Variants in HIBCH observed in about 807,000 individuals in gnomAD.
The protein encoded by HIBCH is 3-hydroxyisobutyryl-CoA hydrolase.
A neutral mutation model predicts 58.2 loss-of-function variants in HIBCH; 50 were observed. That is an observed-to-expected ratio of 0.86 (90% CI 0.68 to 1.09). HIBCH has a LOEUF of 1.09. Among genes scored for constraint, HIBCH ranks in the 50% least tolerant of loss-of-function variants. The pLI is 0.00. For missense variants in HIBCH, 450 were observed against 449.7 expected (o/e 1.00, Z -0.01); for synonymous variants, 151 against 146.9 (o/e 1.03, Z -0.20).
At chr2:190,256,601 A>T (rs1686932661) in intron 7 of HIBCH, among the ~76,000 whole-genome samples, 1 of 152,176 alleles carries the variant, frequency 6.6e-6, no homozygotes. Context: ...AATATGTACA[A>T]TTCAATAAAA....
chr2:190,227,907 G>T (rs370851969), intron 11 of HIBCH, among the ~76,000 whole-genome samples: 2 of 152,312 alleles, frequency 1.3e-5, no homozygotes, highest in African/African-American at 4.8e-5. Flanking sequence ...GGAAACGACA[G>T]GTGCTGAAGA....
At chr2:190,200,376 G>A (rs1690193644), downstream of HIBCH, 7 of 476,278 alleles carry the variant, frequency 1.5e-5, no homozygotes, top group Middle Eastern at 5.9e-4. Flanking sequence ...GCTGAACAGA[G>A]GTCCTGTGAC....
chr2:190,300,958 A>G (rs1404884005), intron 2 of HIBCH, among the ~76,000 whole-genome samples: 1 of 152,210 alleles, frequency 6.6e-6, no homozygotes, highest in Non-Finnish European at 1.5e-5. Flanking sequence ...GATCAGACAC[A>G]TGTCTGTCTG....
rs955960074 is a variant in HIBCH, at chr2:190,306,478, A to G, written c.78+4276T>C. 6.6e-6 allele frequency among the ~76,000 whole-genome samples: 1 copy of G among 152,174 alleles called. No individual in the cohort carries two copies. The highest frequency in any genetic ancestry group is 1.5e-5 in the Non-Finnish European group (1 of 68,026). ...CAGACAGCAGACTTATTTACAGCTT[A>G]CTAAAACCAGCAGGTTTCCCAAATT... On this transcript the variant is annotated intron_variant, in intron 2 of 13. Transcript: ENST00000359678. The surrounding 1 kb of genome is among the most constrained non-coding windows in gnomAD (Gnocchi z 4.6).
At chr2:190,199,954 G>A (rs568954789), downstream of HIBCH, 76 of 1,614,134 alleles carry the variant, frequency 4.7e-5, 1 homozygote, top group South Asian at 6.9e-4. Flanking sequence ...TATGCCAGAA[G>A]AGAGATGTCT....
chr2:190,262,098 T>A (rs539206293), intron 6 of HIBCH, among the ~76,000 whole-genome samples: 3 of 149,178 alleles, frequency 2.0e-5, no homozygotes, highest in East Asian at 3.9e-4. Context: ...TTAAAGGTCA[T>A]CTGACATTTG....
intron 1 of HIBCH, among the ~76,000 whole-genome samples, chr2:190,196,017 G>A (rs994755080): frequency 5.0e-5 from 7 of 138,704 alleles, no homozygotes; most frequent in Non-Finnish European, 7.7e-5. Flanking sequence ...ATGTATGTGT[G>A]GTTTGGATTT....
chr2:190,302,292 G>A (rs550886964), intron 2 of HIBCH, among the ~76,000 whole-genome samples: 1 of 152,166 alleles, frequency 6.6e-6, no homozygotes, highest in South Asian at 2.1e-4. Flanking sequence ...GCTTACAGGA[G>A]GGGCTATGAA....
chr2:190,303,339 CA>C (rs907996442), intron 2 of HIBCH, among the ~76,000 whole-genome samples: 7 of 151,366 alleles, frequency 4.6e-5, no homozygotes, highest in Admixed American at 2.0e-4. Flanking sequence ...CCAATAAAGG[CA>C]ACCAGAGCTC....
intron 11 of HIBCH, among the ~76,000 whole-genome samples, chr2:190,231,939 T>C (rs762469457): frequency 5.3e-5 from 8 of 152,330 alleles, no homozygotes; most frequent in Middle Eastern, 3.4e-3. Context: ...CTTACACATG[T>C]AATCCTAACA....
chr2:190,233,822 G>T (rs1470086704), intron 11 of HIBCH, among the ~76,000 whole-genome samples: 3 of 152,174 alleles, frequency 2.0e-5, no homozygotes, highest in Non-Finnish European at 4.4e-5. Flanking sequence ...GTAATGTCAT[G>T]CTATTTTATA....
At chr2:190,319,410 T>C (rs1039113491) in intron 1 of HIBCH, among the ~76,000 whole-genome samples, 1 of 152,194 alleles carries the variant, frequency 6.6e-6, no homozygotes, top group South Asian at 2.1e-4. Context: ...GTCCCCAGAC[T>C]GCACCCAACT....
intron 8 of HIBCH, chr2:190,251,501 C>A (rs1235691883): frequency 2.3e-6 from 1 of 438,410 alleles, no homozygotes; most frequent in Non-Finnish European, 4.7e-6. Context: ...TGAATTGGGT[C>A]TTCTGCCACA....
intron 6 of HIBCH, among the ~76,000 whole-genome samples, chr2:190,274,076 A>G (rs1032232856): frequency 1.3e-5 from 2 of 152,224 alleles, no homozygotes; most frequent in African/African-American, 4.8e-5. Context: ...CGCTGGGATT[A>G]CAGGCATGTG....
At chr2:190,284,294 C>T (rs1172543219) in intron 6 of HIBCH, among the ~76,000 whole-genome samples, 3 of 152,040 alleles carry the variant, frequency 2.0e-5, no homozygotes, top group African/African-American at 7.2e-5. Context: ...AAACATTATA[C>T]CAACCTATAC....
At chr2:190,295,952 A>C (rs1688093071) in intron 3 of HIBCH, among the ~76,000 whole-genome samples, 1 of 152,196 alleles carries the variant, frequency 6.6e-6, no homozygotes, top group Admixed American at 6.5e-5. Flanking sequence ...TCCCCATTTC[A>C]GAACTGAGGA....
intron 6 of HIBCH, among the ~76,000 whole-genome samples, chr2:190,272,430 T>G (rs887910247): frequency 7.9e-5 from 12 of 152,198 alleles, no homozygotes; most frequent in African/African-American, 2.9e-4. Flanking sequence ...CAAAGAGCTC[T>G]CCTCCGCTTT....
chr2:190,221,760 T>C (rs563492954), intron 11 of HIBCH, among the ~76,000 whole-genome samples: 36 of 152,222 alleles, frequency 2.4e-4, no homozygotes, highest in African/African-American at 7.9e-4. Context: ...CGACGGAGAC[T>C]ACGGTTGGAC....
chr2:190,254,863 G>A lies in HIBCH; in HGVS notation c.518-2556C>T, dbSNP rs73981023. ...AATGATGAAATCTATAATTTCTGCTGTCCAATAAGACAGCCACTAGCCATA... is the reference window on the plus strand; with the variant it reads ...AATGATGAAATCTATAATTTCTGCTATCCAATAAGACAGCCACTAGCCATA... On this transcript the variant is annotated intron_variant, in intron 7 of 13. Coordinates refer to ENST00000359678, the MANE Select transcript of HIBCH (RefSeq NM_014362.4). This position sits in a 1 kb window ranked among gnomAD's most constrained non-coding sequence, Gnocchi z 5.0. Among the ~76,000 whole-genome samples, 209 of 152,262 alleles carry A rather than the reference G, an allele frequency of 1.4e-3. 1 individual carries two copies. Among genetic ancestry groups the A allele is most frequent in the African/African-American group, 4.8e-3 (200 of 41,536 alleles).
Sources: allele counts gnomAD v4.1 joint callset (sites outside exome capture counted in the v4.1 genomes callset), GRCh38; gene constraint gnomAD v4.1.1; non-coding constraint Gnocchi (gnomAD v3.1); transcripts MANE v1.5; gene names NCBI Gene and HGNC (gene_info 2026-07-23, HGNC 2026-07-21).